INPP4B: variants seen among roughly 807,000 people sequenced by gnomAD.
INPP4B encodes the protein inositol polyphosphate 4-phosphatase type II.
A neutral mutation model predicts 122.5 loss-of-function variants in INPP4B; 55 were observed. The observed-to-expected ratio is 0.45, with a 90% CI of 0.36 to 0.56. INPP4B has a LOEUF of 0.56. Among genes scored for constraint, INPP4B ranks in the 20% least tolerant of loss-of-function variants. The pLI is 0.00. For synonymous variants in INPP4B, 403 were observed against 388.7 expected (o/e 1.04, Z -0.43); for missense variants, 1,000 against 1,097.7 (o/e 0.91, Z 1.26).
At chr4:142,029,926 C>G in intron 25 of INPP4B, 1 of 1,262,900 alleles carries the variant, frequency 7.9e-7, no homozygotes, top group East Asian at 3.1e-5. Context: ...GTGGGAAACA[C>G]CTTTCCATGA....
chr4:142,388,966 T>G (rs556838902), intron 7 of INPP4B, among the ~76,000 whole-genome samples: 8 of 152,182 alleles, frequency 5.3e-5, no homozygotes, highest in African/African-American at 1.7e-4. Flanking sequence ...ATTAAGAAAC[T>G]TAGAGGCCCA....
intron 5 of INPP4B, chr4:142,423,679 C>T (rs940478774): frequency 3.0e-6 from 1 of 328,226 alleles, no homozygotes; most frequent in Non-Finnish European, 5.9e-6. Flanking sequence ...AACTCTAGGA[C>T]GGTACACATC....
intron 1 of INPP4B, among the ~76,000 whole-genome samples, chr4:142,840,582 T>C (rs1391115309): frequency 6.6e-6 from 1 of 152,118 alleles, no homozygotes; most frequent in Non-Finnish European, 1.5e-5. Context: ...CTGAATATAC[T>C]ACTAAGAATT....
chr4:142,123,809 T>C (rs142093445), intron 19 of INPP4B, among the ~76,000 whole-genome samples: 237 of 152,272 alleles, frequency 1.6e-3, no homozygotes, highest in Middle Eastern at 3.4e-3. Context: ...GAAACATGTA[T>C]GTATAAGGCA....
chr4:142,167,391 G>A (rs1823315403), intron 16 of INPP4B, among the ~76,000 whole-genome samples: 1 of 151,666 alleles, frequency 6.6e-6, no homozygotes, highest in African/African-American at 2.4e-5. Context: ...GGGGACTTTG[G>A]GAAGATGGTA....
chr4:142,429,771 CAA>C (rs1808888592), intron 4 of INPP4B, among the ~76,000 whole-genome samples: 2 of 151,974 alleles, frequency 1.3e-5, no homozygotes, highest in Admixed American at 1.3e-4. Context: ...AAAAATATAA[CAA>C]GATGGCTAAA....
At chr4:142,549,439 A>C (rs1218238352) in intron 2 of INPP4B, among the ~76,000 whole-genome samples, 1 of 152,118 alleles carries the variant, frequency 6.6e-6, no homozygotes, top group Non-Finnish European at 1.5e-5. Flanking sequence ...CCAGTCAAGG[A>C]GTCTAACCAA....
chr4:142,258,452 C>G (rs1422899114), intron 11 of INPP4B, among the ~76,000 whole-genome samples: 2 of 152,186 alleles, frequency 1.3e-5, no homozygotes, highest in African/African-American at 4.8e-5. Context: ...GCAACCTACT[C>G]ATCTGACAAA....
In INPP4B at chr4:142,452,334, A is replaced by C. The variant is rs192288107; in HGVS notation, c.-127+10329T>G. 1.6e-4 allele frequency among the ~76,000 whole-genome samples: 24 copies of C among 152,340 alleles called. No homozygotes were observed. The East Asian group carries it at 4.6e-3, about 29-fold the overall frequency. ...GTGACCCGATGTCCTGAAGGGAAGCACATGGACCCACTTTGGGAATGCAGT... is the reference window on the plus strand; with the variant it reads ...GTGACCCGATGTCCTGAAGGGAAGCCCATGGACCCACTTTGGGAATGCAGT... On this transcript the variant is annotated intron_variant, in intron 3 of 25. Coordinates refer to ENST00000262992, the MANE Select transcript of INPP4B (RefSeq NM_001101669.3).
At chr4:142,219,399 T>C (rs1321719246) in intron 12 of INPP4B, among the ~76,000 whole-genome samples, 1 of 152,242 alleles carries the variant, frequency 6.6e-6, no homozygotes, top group Non-Finnish European at 1.5e-5. Context: ...AAAGTTAAAT[T>C]GGTATTTATT....
chr4:142,619,050 A>T (rs1204390298), intron 2 of INPP4B, among the ~76,000 whole-genome samples: 1 of 151,940 alleles, frequency 6.6e-6, no homozygotes, highest in Non-Finnish European at 1.5e-5. Context: ...GTCACCTTAC[A>T]CCTCTTAAGA....
At chr4:142,156,820 G>A (rs72718489) in intron 17 of INPP4B, among the ~76,000 whole-genome samples, 163 of 152,114 alleles carry the variant, frequency 1.1e-3, no homozygotes, top group Non-Finnish European at 1.8e-3. Context: ...TGCATCAGCC[G>A]GGTAGGATTT....
chr4:142,258,634 C>T (rs1460816294), intron 11 of INPP4B, among the ~76,000 whole-genome samples: 1 of 152,120 alleles, frequency 6.6e-6, no homozygotes, highest in African/African-American at 2.4e-5. Context: ...CAGAGAAATG[C>T]AAATCAAAAC....
At chr4:142,600,387 A>T (rs1000081003) in intron 2 of INPP4B, among the ~76,000 whole-genome samples, 3 of 152,212 alleles carry the variant, frequency 2.0e-5, no homozygotes, top group African/African-American at 7.2e-5. Context: ...TCCTTCACAC[A>T]TAAAAAGAAA....
At chr4:142,584,258 T>G (rs910321747) in intron 2 of INPP4B, among the ~76,000 whole-genome samples, 3 of 152,192 alleles carry the variant, frequency 2.0e-5, no homozygotes, top group Non-Finnish European at 4.4e-5. Context: ...CAGTTTCTAG[T>G]CTTATCAACA....
chr4:142,642,539 G>A (rs1298261277), intron 2 of INPP4B, among the ~76,000 whole-genome samples: 1 of 152,100 alleles, frequency 6.6e-6, no homozygotes, highest in Non-Finnish European at 1.5e-5. Flanking sequence ...TTTCCCCATT[G>A]CTTGTTTTTG....
At chr4:142,637,778 GT>G (rs1213249853) in intron 2 of INPP4B, among the ~76,000 whole-genome samples, 1 of 152,212 alleles carries the variant, frequency 6.6e-6, no homozygotes, top group Admixed American at 6.5e-5. Context: ...CTGCCAAGCT[GT>G]TTTCCAAAGT....
chr4:142,682,505 A>T (rs7695514), intron 2 of INPP4B, among the ~76,000 whole-genome samples: 1 of 151,766 alleles, frequency 6.6e-6, no homozygotes, highest in Non-Finnish European at 1.5e-5. Context: ...AAATTACATC[A>T]CTGATAAAAT....
chr4:142,236,238 G>C (rs1011303811), intron 12 of INPP4B, among the ~76,000 whole-genome samples: 4 of 152,080 alleles, frequency 2.6e-5, no homozygotes, highest in African/African-American at 9.7e-5. Context: ...GGTGTCCAGT[G>C]GTCTAGAACG....
Sources: allele counts gnomAD v4.1 joint callset (sites outside exome capture counted in the v4.1 genomes callset), GRCh38; gene constraint gnomAD v4.1.1; transcripts MANE v1.5; gene names NCBI Gene and HGNC (gene_info 2026-07-23, HGNC 2026-07-21).